The following NFKBID variants were observed in gnomAD, a reference collection of about 807,000 sequenced individuals.
The protein encoded by NFKBID is NF-kappa-B inhibitor delta.
NFKBID carries 26 observed loss-of-function variants against 53.4 expected under a neutral mutation model. That is an observed-to-expected ratio of 0.49 (90% CI 0.36 to 0.68). The LOEUF (loss-of-function observed/expected upper bound fraction) is 0.68, where lower values mean the gene tolerates loss of function less well. Among genes scored for constraint, NFKBID ranks in the 30% least tolerant of loss-of-function variants. The pLI, the probability that NFKBID is intolerant of heterozygous loss-of-function variation, is 0.00. For missense variants in NFKBID, 493 were observed against 614.1 expected, an observed-to-expected ratio of 0.80 and a Z score of 2.08; for synonymous variants, 262 against 259.8, an observed-to-expected ratio of 1.01 and a Z score of -0.08.
chr19:35,890,761 G>T, intron 9 of NFKBID: 1 of 431,716 alleles, frequency 2.3e-6, no homozygotes, highest in South Asian at 1.9e-5. Context: ...CTGCTTGGGA[G>T]GCTGAGGCAG....
rs370910426 is a variant in NFKBID, at chr19:35,897,084, A to T, written c.433-26T>A. ...CTGTGGCAGAGAAGATCCTACATAG[A>T]ACTGGGTGTCTGGGGGGTCCTGGAG... is the stretch of plus-strand genomic sequence containing the variant. On this transcript the variant is annotated intron_variant, in intron 4 of 11. Coordinates refer to ENST00000641389, the Ensembl canonical transcript of NFKBID. The T allele has an allele frequency of 6.6e-4, 1,054 of 1,587,738 alleles. 1 individual carries two copies. The highest frequency in any genetic ancestry group is 1.1e-3 in the South Asian group (95 of 87,278).
chr19:35,896,613 C>T lies in NFKBID; in HGVS notation c.685-75G>A, dbSNP rs916167686. 1.9e-6 allele frequency: 3 copies of T among 1,551,186 alleles called. No homozygotes were observed. The highest frequency in any genetic ancestry group is 2.7e-6 in the Non-Finnish European group (3 of 1,129,712). On this transcript the variant is annotated intron_variant, in intron 6 of 11. Transcript: ENST00000641389. This position sits in a 1 kb window ranked among gnomAD's most constrained non-coding sequence, Gnocchi z 5.7. The stretch of plus-strand genomic sequence containing the variant: ...GAAAACCAGGCTCCCAGCCCCATCC[C>T]CCCTCAGCCCCAGGAGCTCACCCCC...
rs922919302 is a variant in NFKBID, at chr19:35,898,714, C to A, written c.165+5G>T. 8.5e-6 allele frequency: 13 copies of A among 1,535,370 alleles called. No individual in the cohort carries two copies. In the African/African-American group the frequency reaches 1.5e-4, roughly 18 times the overall value. On this transcript the variant is annotated splice_donor_5th_base_variant and intron_variant, in intron 2 of 11. Coordinates refer to ENST00000641389, the Ensembl canonical transcript of NFKBID. ...CTCCGGAGAGCTGTGGCTCCCTGGC[C>A]TCACCTGCACCCCGCCAGCGTCGGG... is the stretch of plus-strand genomic sequence containing the variant.
At chr19:35,899,401 C>T (rs1481874705) in intron 1 of NFKBID, among the ~76,000 whole-genome samples, 1 of 151,796 alleles carries the variant, frequency 6.6e-6, no homozygotes, top group African/African-American at 2.4e-5. Context: ...CCCGTCTCTA[C>T]TAAAAATATA....
rs1975180309 is a variant in NFKBID, at chr19:35,896,664, G to C, written c.684+62C>G. ...CATTCCCCTCTTCTCTAGGATCCAG[G>C]GGTCCAGGCCCCAGGCTCCTTCCTC... On this transcript the variant is annotated intron_variant, in intron 6 of 11. Transcript: ENST00000641389. This position sits in a 1 kb window ranked among gnomAD's most constrained non-coding sequence, Gnocchi z 5.7. 5.1e-6 allele frequency: 8 copies of C among 1,555,230 alleles called. No homozygotes were observed. Among genetic ancestry groups the C allele is most frequent in the Middle Eastern group, 3.9e-4 (2 of 5,158 alleles).
intron 9 of NFKBID, among the ~76,000 whole-genome samples, chr19:35,892,543 C>CAAAAAAAAAAAAAAAAAAAAAAAAAA (rs112001334): frequency 2.3e-4 from 26 of 112,274 alleles, no homozygotes; most frequent in African/African-American, 8.1e-4. Context: ...GACTCCATCT[C>CAAAAAAAAAAAAAAAAAAAAAAAAAA]AAAAAAAAAA....
upstream of NFKBID, chr19:35,902,021 T>C: frequency 1.6e-6 from 1 of 621,930 alleles, no homozygotes; most frequent in East Asian, 2.7e-5. Context: ...CTTGTGGCTT[T>C]AAGTACCATC....
rs1975195273 is a variant in NFKBID, at chr19:35,896,798, G to C, written c.612C>G (p.Arg204=). 6.2e-7 allele frequency: 1 copy of C among 1,613,900 alleles called. No individual in the cohort carries two copies. The highest frequency in any genetic ancestry group is 1.3e-5 in the African/African-American group (1 of 74,918). ...CCTCAGCCGCAGCATATGCCGCCCAGCGCAGCCCCCGAGCCGCAAACAGGT... is the reference window on the plus strand; with the variant it reads ...CCTCAGCCGCAGCATATGCCGCCCACCGCAGCCCCCGAGCCGCAAACAGGT... The change falls in exon 6 of 12, where the codon CGC becomes CGG. Residue 204 remains arginine (R), a synonymous_variant. Coordinates refer to ENST00000641389, the Ensembl canonical transcript of NFKBID. The surrounding 1 kb of genome is among the most constrained non-coding windows in gnomAD (Gnocchi z 5.7).
At position 35,896,272 on chromosome 19, in the gene NFKBID, G is replaced by A. The variant is rs1313954786; in HGVS notation, c.832-3C>T. The A allele has an allele frequency of 1.2e-6, 2 of 1,614,070 alleles. No individual in the cohort carries two copies. Among genetic ancestry groups the A allele is most frequent in the African/African-American group, 2.7e-5 (2 of 74,922 alleles). ...TGGACCCCAGAGTTAAGCACAGCCT[G>A]GGAGGAAGAGAAGGCAGACTGCTGG... On this transcript the variant is annotated splice_polypyrimidine_tract_variant and splice_region_variant and intron_variant, in intron 7 of 11. Transcript: ENST00000641389. The surrounding 1 kb of genome is among the most constrained non-coding windows in gnomAD (Gnocchi z 5.7).
chr19:35,889,630 A>C (rs539000494), intron 11 of NFKBID, among the ~76,000 whole-genome samples: 1 of 152,138 alleles, frequency 6.6e-6, no homozygotes, highest in Admixed American at 6.5e-5. Flanking sequence ...CTTGAGGTCA[A>C]GCAAGATTCA....
chr19:35,890,197 G>T, intron 10 of NFKBID, 143 bp from the exon 11 acceptor site: 1 of 917,010 alleles, frequency 1.1e-6, no homozygotes, highest in Non-Finnish European at 1.7e-6. Flanking sequence ...CACGCTGCAT[G>T]CATCCCTGTG....
rs1975186262 is a variant in NFKBID, at chr19:35,896,715, C to T, written c.684+11G>A. 1 of 1,612,522 alleles carries T rather than the reference C, an allele frequency of 6.2e-7. No homozygotes were observed. ...CCCTGAACCCAGGAGAGTTCAGGCC[C>T]CAAGCCTCACCTTGCCCTTATGCTC... is the stretch of plus-strand genomic sequence containing the variant. On this transcript the variant is annotated intron_variant, in intron 6 of 11. Coordinates refer to ENST00000641389, the Ensembl canonical transcript of NFKBID. This position sits in a 1 kb window ranked among gnomAD's most constrained non-coding sequence, Gnocchi z 5.7.
downstream of NFKBID, chr19:35,887,973 T>C (rs1974511475): frequency 6.6e-6 from 1 of 152,286 alleles, no homozygotes; most frequent in Admixed American, 6.6e-5. Context: ...TTGAGTTTAA[T>C]AAAGAGCTTG....
exon 4 of NFKBID, chr19:35,897,775 G>C (rs761807434): frequency 1.2e-6 from 2 of 1,608,398 alleles, no homozygotes; most frequent in Non-Finnish European, 1.7e-6. Context: ...GGCAGCATGC[G>C]TGTTGGGGTC....
intron 9 of NFKBID, among the ~76,000 whole-genome samples, chr19:35,891,897 T>C (rs1974793460): frequency 6.6e-6 from 1 of 151,968 alleles, no homozygotes; most frequent in Non-Finnish European, 1.5e-5. Context: ...TTTGTTTGTT[T>C]TTTGAGACAG....
exon 1 of NFKBID, chr19:35,900,609 C>T (rs2146974567): frequency 8.1e-7 from 1 of 1,230,272 alleles, no homozygotes; most frequent in Non-Finnish European, 1.0e-6. Flanking sequence ...TGGGCAGGGC[C>T]CGCCCACAGG....
At chr19:35,890,511 G>A (rs1974687287) in intron 9 of NFKBID, 21 bp from the exon 10 acceptor site, 1 of 1,549,248 alleles carries the variant, frequency 6.5e-7, no homozygotes, top group South Asian at 1.1e-5. Flanking sequence ...GGGAATGGCA[G>A]AGGTCAGGGC....
chr19:35,900,375 G>A, intron 1 of NFKBID, 67 bp downstream of exon 1: 1 of 1,149,456 alleles, frequency 8.7e-7, no homozygotes, highest in Non-Finnish European at 1.1e-6. Flanking sequence ...CAGGGCCTCG[G>A]GAGTCTTTCG....
At position 35,899,246 on chromosome 19, in the gene NFKBID, G is replaced by A. The variant is rs1599628276; in HGVS notation, c.62-424C>T. 2.6e-5 allele frequency among the ~76,000 whole-genome samples: 4 copies of A among 152,174 alleles called. 1 individual carries two copies. The highest frequency in any genetic ancestry group is 6.8e-3 in the Middle Eastern group (2 of 294). The stretch of plus-strand genomic sequence containing the variant: ...ATTTTTTTCCCTAGAACCTGACCCG[G>A]AAATCAGGAGTCCCCAGCGCCCCTC... On this transcript the variant is annotated intron_variant, in intron 1 of 11. Coordinates refer to ENST00000641389, the Ensembl canonical transcript of NFKBID.
Sources: gnomAD v4.1 joint callset for allele counts (sites outside exome capture counted in the v4.1 genomes callset) on GRCh38, gnomAD v4.1.1 for gene constraint, Gnocchi (gnomAD v3.1) non-coding constraint, MANE v1.5 for transcripts, NCBI Gene and HGNC (gene_info 2026-07-23, HGNC 2026-07-21) for gene names.